The following CASP8 variants were observed in gnomAD, a reference collection of about 807,000 sequenced individuals.
The protein encoded by CASP8 is caspase 8.
CASP8 carries 24 observed loss-of-function variants against 46.3 expected under a neutral mutation model. The observed-to-expected ratio is 0.52, with a 90% CI of 0.38 to 0.73. CASP8 has a LOEUF of 0.73. Ranked by LOEUF, CASP8 falls within the 30% of genes least tolerant of loss-of-function variation. CASP8 has a pLI of 0.00. For synonymous variants in CASP8, 188 were observed against 200.4 expected, an observed-to-expected ratio of 0.94 and a Z score of 0.52; for missense variants, 460 against 559.0, an observed-to-expected ratio of 0.82 and a Z score of 1.79.
intron 2 of CASP8, among the ~76,000 whole-genome samples, chr2:201,252,934 A>G (rs1946850481): frequency 6.6e-6 from 1 of 152,200 alleles, no homozygotes; most frequent in Non-Finnish European, 1.5e-5. Flanking sequence ...GAAAGTGAGG[A>G]GTGAAACCTA....
intron 1 of CASP8, among the ~76,000 whole-genome samples, chr2:201,233,802 C>T (rs1261228630): frequency 6.6e-6 from 1 of 152,218 alleles, no homozygotes; most frequent in Non-Finnish European, 1.5e-5. Flanking sequence ...GAAGTCTAGG[C>T]TGGTTCCACC....
chr2:201,281,254 C>T (rs1274727807), intron 7 of CASP8, among the ~76,000 whole-genome samples: 2 of 152,058 alleles, frequency 1.3e-5, no homozygotes, highest in Non-Finnish European at 2.9e-5. Flanking sequence ...GCAGAAGTTG[C>T]AGTGAGCTGA....
intron 2 of CASP8, among the ~76,000 whole-genome samples, chr2:201,247,944 A>T (rs1181446521): frequency 6.6e-6 from 1 of 151,888 alleles, no homozygotes; most frequent in Non-Finnish European, 1.5e-5. Context: ...GCGCCCGGCC[A>T]ACTTTTGTAT....
At chr2:201,267,089 A>G (rs1002291793) in intron 2 of CASP8, among the ~76,000 whole-genome samples, 7 of 152,198 alleles carry the variant, frequency 4.6e-5, no homozygotes, top group Non-Finnish European at 8.8e-5. Context: ...TAAGAAATTT[A>G]GGGGCCTTAT....
rs771378462 is a variant in CASP8, at chr2:201,284,933, T to G, written c.920T>G (p.Met307Arg). The change falls in exon 8 of 9, where the codon ATG becomes AGG. Residue 307 changes from methionine to arginine, a missense_variant. Coordinates refer to ENST00000673742, the MANE Select transcript of CASP8 (RefSeq NM_001372051.1). ...KIYQLMDHSN[M>R]DCFICCILSH... ...TACCAACTCATGGACCACAGTAACA[T>G]GGACTGCTTCATCTGCTGTATCCTC... 3 of 1,614,072 alleles carry G rather than the reference T, an allele frequency of 1.9e-6. No individual in the cohort carries two copies. The highest frequency in any genetic ancestry group is 2.7e-5 in the African/African-American group (2 of 74,910).
In CASP8 at chr2:201,272,100, C is replaced by CTG. The variant is rs1221467837; in HGVS notation, c.411+489_411+490dup. Among the ~76,000 whole-genome samples, 19 of 151,122 alleles carry CTG rather than the reference C, an allele frequency of 1.3e-4. No individual in the cohort carries two copies. Among genetic ancestry groups the CTG allele is most frequent in the African/African-American group, 4.4e-4 (18 of 41,112 alleles). ...AAGTGGTGTGTGTGTCTGTGTATCT[C>CTG]TGTGTGTGTGTTCTCTGTGTGGTAT... On this transcript the variant is annotated intron_variant, in intron 3 of 8. Coordinates refer to ENST00000673742, the MANE Select transcript of CASP8 (RefSeq NM_001372051.1). The surrounding 1 kb of genome is among the most constrained non-coding windows in gnomAD (Gnocchi z 4.4).
chr2:201,264,617 C>T (rs969472590), intron 1 of CASP8, among the ~76,000 whole-genome samples: 1 of 152,148 alleles, frequency 6.6e-6, no homozygotes, highest in African/African-American at 2.4e-5. Context: ...TCTAAGATAG[C>T]TATTACTATT....
intron 7 of CASP8, chr2:201,277,705 T>G (rs1948726304): frequency 2.6e-6 from 1 of 387,830 alleles, no homozygotes; most frequent in Admixed American, 2.7e-5. Flanking sequence ...TATTAACATT[T>G]TTTTTTTTTT....
chr2:201,278,534 T>A (rs13027605), intron 7 of CASP8, among the ~76,000 whole-genome samples: 50,738 of 151,470 alleles, frequency 0.33, 10,045 homozygotes, highest in East Asian at 0.48. Context: ...CTAGACTGTA[T>A]TTTTTCTTTT....
At chr2:201,278,962 A>C (rs139045151) in intron 7 of CASP8, among the ~76,000 whole-genome samples, 1 of 152,218 alleles carries the variant, frequency 6.6e-6, no homozygotes, top group Non-Finnish European at 1.5e-5. Context: ...ATAGCTAATG[A>C]AAGGTTTCCA....
At chr2:201,259,053 G>A (rs6435073), upstream of CASP8, among the ~76,000 whole-genome samples, 12,542 of 152,208 alleles carry the variant, frequency 0.082, 928 homozygotes, top group African/African-American at 0.19. Context: ...TGCCTCCAGA[G>A]GTGACTGTGA....
intron 2 of CASP8, among the ~76,000 whole-genome samples, chr2:201,253,293 CTTTTTT>C (rs34341476): frequency 0.15 from 10,029 of 67,816 alleles, 660 homozygotes; most frequent in South Asian, 0.36. Flanking sequence ...CTAGCCTGAT[CTTTTTT>C]TTTTTTTTTT....
intron 2 of CASP8, among the ~76,000 whole-genome samples, chr2:201,251,594 CA>C (rs59005124): frequency 0.13 from 13,684 of 102,100 alleles, 1,347 homozygotes; most frequent in African/African-American, 0.33. Flanking sequence ...GACTCTGTGT[CA>C]AAAAAAAAAA....
At chr2:201,235,101 G>A (rs1945992745) in intron 2 of CASP8, among the ~76,000 whole-genome samples, 1 of 152,086 alleles carries the variant, frequency 6.6e-6, no homozygotes, top group Non-Finnish European at 1.5e-5. Flanking sequence ...TCTACTGCTT[G>A]TCTGTCTTTC....
In CASP8 at chr2:201,284,880, A is replaced by G; in HGVS notation, c.867A>G (p.Val289=). 1 of 1,614,152 alleles carries G rather than the reference A, an allele frequency of 6.2e-7. No homozygotes were observed. Among genetic ancestry groups the G allele is most frequent in the Non-Finnish European group, 8.5e-7 (1 of 1,180,006 alleles). The change falls in exon 8 of 9, where the codon GTA becomes GTG. Residue 289 remains valine, a synonymous_variant. Transcript: ENST00000673742. Reference sequence around the variant, plus strand: ...TCAAGCCCCACGATGACTGCACAGTAGAGCAAATCTATGAGATTTTGAAAA... The same window carrying G: ...TCAAGCCCCACGATGACTGCACAGTGGAGCAAATCTATGAGATTTTGAAAA... ...FEIKPHDDCT[V]EQIYEILKIY... is the part of the protein sequence containing the mutation.
At chr2:201,271,349 T>A (rs1948233043) in intron 2 of CASP8, among the ~76,000 whole-genome samples, 167 bp from the exon 3 acceptor site, 1 of 152,240 alleles carries the variant, frequency 6.6e-6, no homozygotes, top group African/African-American at 2.4e-5. Context: ...AGTAGACTTC[T>A]GTGTCACCAC....
chr2:201,239,837 A>G (rs1946228816), intron 2 of CASP8, among the ~76,000 whole-genome samples: 1 of 152,178 alleles, frequency 6.6e-6, no homozygotes, highest in Non-Finnish European at 1.5e-5. Context: ...ATTGTCCCTG[A>G]TGGCTTCTGA....
intron 2 of CASP8, among the ~76,000 whole-genome samples, chr2:201,253,196 CCAGGCTGATCTTAAA>C (rs1216317921): frequency 6.6e-6 from 1 of 151,266 alleles, no homozygotes; most frequent in African/African-American, 2.4e-5. Flanking sequence ...AGTATGTTGC[CCAGGCTGATCTTAAA>C]CTCCTGAGCT....
intron 1 of CASP8, among the ~76,000 whole-genome samples, chr2:201,265,678 G>A (rs1387968548): frequency 2.0e-5 from 3 of 151,998 alleles, no homozygotes; most frequent in South Asian, 2.1e-4. Context: ...ATGGTAATGC[G>A]GCCCCTTTGT....
Sources: allele counts gnomAD v4.1 joint callset (sites outside exome capture counted in the v4.1 genomes callset), GRCh38; gene constraint gnomAD v4.1.1; non-coding constraint Gnocchi (gnomAD v3.1); transcripts MANE v1.5; gene names NCBI Gene and HGNC (gene_info 2026-07-23, HGNC 2026-07-21).